SNTG1: variants seen among roughly 807,000 people sequenced by gnomAD.
The protein encoded by SNTG1 is syntrophin gamma 1.
Under a neutral mutation model 74.7 loss-of-function variants are expected in SNTG1, and 39 were observed. The observed-to-expected ratio is 0.52, with a 90% confidence interval of 0.40 to 0.68. The LOEUF is 0.68. Among genes scored for constraint, SNTG1 ranks in the 30% least tolerant of loss-of-function variants. The probability of loss-of-function intolerance (pLI) is 0.00; values close to 1 mark genes in which losing one functional copy is unlikely to be tolerated. For synonymous variants in SNTG1, 254 were observed against 217.1 expected (o/e 1.17, Z -1.49); for missense variants, 685 against 609.5 (o/e 1.12, Z -1.30).
intron 2 of SNTG1, among the ~76,000 whole-genome samples, chr8:50,313,896 G>A (rs1248049554): frequency 6.7e-6 from 1 of 149,808 alleles, no homozygotes; most frequent in Non-Finnish European, 1.5e-5. Context: ...ACTTCAGTGT[G>A]CATATCTGAA....
rs372823082 is a variant in SNTG1, at chr8:50,405,172, GA to G, written c.162+2831del. On this transcript the variant is annotated intron_variant, in intron 4 of 18. Transcript: ENST00000642720. ...TTATTTGGTGTATATACCCAGAAGT[GA>G]AATTGCTGGATAAAATAGTAATACT... is the stretch of plus-strand genomic sequence containing the variant. 3.7e-4 allele frequency among the ~76,000 whole-genome samples: 57 copies of G among 152,204 alleles called. 1 individual carries two copies. Among genetic ancestry groups the G allele is most frequent in the African/African-American group, 1.4e-3 (57 of 41,548 alleles).
chr8:50,453,897 G>A (rs2093478755), intron 8 of SNTG1, among the ~76,000 whole-genome samples: 1 of 152,148 alleles, frequency 6.6e-6, no homozygotes, highest in African/African-American at 2.4e-5. Flanking sequence ...CAATTCCAGT[G>A]AGGAGTTGAC....
intron 2 of SNTG1, among the ~76,000 whole-genome samples, chr8:50,230,536 T>G (rs1342735914): frequency 6.6e-6 from 1 of 151,406 alleles, no homozygotes; most frequent in Non-Finnish European, 1.5e-5. Flanking sequence ...GCTTTATTAC[T>G]ATTAAGGAAA....
At chr8:50,307,428 T>C (rs1335214957) in intron 2 of SNTG1, among the ~76,000 whole-genome samples, 1 of 152,022 alleles carries the variant, frequency 6.6e-6, no homozygotes, top group South Asian at 2.1e-4. Flanking sequence ...ATAATTTTAA[T>C]TCATATTTTC....
chr8:50,152,455 T>C (rs2082102967), intron 1 of SNTG1, among the ~76,000 whole-genome samples: 1 of 152,282 alleles, frequency 6.6e-6, no homozygotes, highest in East Asian at 1.9e-4. Context: ...TCATTATATG[T>C]TATCTGGTTA....
At chr8:50,573,449 T>G (rs895748166) in intron 12 of SNTG1, among the ~76,000 whole-genome samples, 1 of 151,992 alleles carries the variant, frequency 6.6e-6, no homozygotes, top group Non-Finnish European at 1.5e-5. Flanking sequence ...TTAACCACTT[T>G]AAGAGGTTAC....
intron 18 of SNTG1, among the ~76,000 whole-genome samples, chr8:50,776,257 T>C (rs1210211581): frequency 6.6e-6 from 1 of 150,794 alleles, no homozygotes; most frequent in Non-Finnish European, 1.5e-5. Flanking sequence ...TACTTCAACA[T>C]ATACTGTTCT....
rs74646303 is a variant in SNTG1, at chr8:50,330,493, C to A, written c.-27-63719C>A. ...TTTCAAACTTTCTCACATCTTCCTA[C>A]CTTCTTCTCACCCTCCAAACTGTTT... On this transcript the variant is annotated intron_variant, in intron 2 of 18. Transcript: ENST00000642720. Among the ~76,000 whole-genome samples the A allele has an allele frequency of 1.7e-3, 266 of 152,314 alleles. 1 individual carries two copies. Among genetic ancestry groups the A allele is most frequent in the African/African-American group, 6.2e-3 (257 of 41,572 alleles).
intron 1 of SNTG1, among the ~76,000 whole-genome samples, chr8:50,058,636 A>G (rs1446130964): frequency 6.6e-6 from 1 of 152,092 alleles, no homozygotes; most frequent in African/African-American, 2.4e-5. Flanking sequence ...ATTTCCCTCA[A>G]TAGTTTACAT....
chr8:50,753,209 T>C (rs1398813315), intron 18 of SNTG1, among the ~76,000 whole-genome samples: 2 of 152,010 alleles, frequency 1.3e-5, no homozygotes, highest in East Asian at 2.0e-4. Flanking sequence ...ACCGGCCCTT[T>C]CTCTACCTCT....
intron 9 of SNTG1, among the ~76,000 whole-genome samples, chr8:50,505,301 G>A (rs182747300): frequency 6.6e-6 from 1 of 152,256 alleles, no homozygotes; most frequent in Admixed American, 6.5e-5. Context: ...GAACATGAGT[G>A]TACAAATATC....
chr8:50,189,719 C>T (rs367765869), intron 2 of SNTG1, among the ~76,000 whole-genome samples: 1 of 152,106 alleles, frequency 6.6e-6, no homozygotes, highest in Non-Finnish European at 1.5e-5. Flanking sequence ...ATGGCATTTA[C>T]ACAGCAGAAC....
At chr8:50,441,266 C>T (rs190966614) in intron 5 of SNTG1, among the ~76,000 whole-genome samples, 1 of 152,166 alleles carries the variant, frequency 6.6e-6, no homozygotes, top group Non-Finnish European at 1.5e-5. Context: ...CTCTCTCAAG[C>T]CCTGTCTCCA....
At chr8:49,979,562 C>T (rs1213628467) in intron 1 of SNTG1, among the ~76,000 whole-genome samples, 2 of 152,184 alleles carry the variant, frequency 1.3e-5, no homozygotes, top group East Asian at 3.9e-4. Flanking sequence ...ACACCAACGT[C>T]CTTGGGCTCC....
At chr8:50,572,085 T>C (rs77888776) in intron 12 of SNTG1, among the ~76,000 whole-genome samples, 6,576 of 152,134 alleles carry the variant, frequency 0.043, 263 homozygotes, top group African/African-American at 0.097. Flanking sequence ...GTAATACTGA[T>C]AAACAAAAAA....
At chr8:50,666,881 A>T (rs762576487) in intron 15 of SNTG1, among the ~76,000 whole-genome samples, 6 of 152,074 alleles carry the variant, frequency 3.9e-5, no homozygotes, top group Non-Finnish European at 5.9e-5. Flanking sequence ...ATTTATTTAT[A>T]ACCCTTATAT....
At chr8:50,145,230 G>A (rs1045526347) in intron 1 of SNTG1, among the ~76,000 whole-genome samples, 1 of 152,124 alleles carries the variant, frequency 6.6e-6, no homozygotes, top group African/African-American at 2.4e-5. Flanking sequence ...ACTCTTCATC[G>A]AGTGCTAGTG....
At chr8:50,117,336 T>G (rs557351264) in intron 1 of SNTG1, among the ~76,000 whole-genome samples, 106 of 152,266 alleles carry the variant, frequency 7.0e-4, no homozygotes, top group Non-Finnish European at 4.6e-4. Context: ...ATAAACAGGC[T>G]ATGCTTGTTT....
chr8:50,395,643 AC>A (rs2092719105), intron 3 of SNTG1, among the ~76,000 whole-genome samples: 2 of 151,738 alleles, frequency 1.3e-5, no homozygotes, highest in Admixed American at 1.3e-4. Flanking sequence ...AGCTGGGACT[AC>A]AGGTGCCTGC....
Sources: gnomAD v4.1 joint callset for allele counts (sites outside exome capture counted in the v4.1 genomes callset) on GRCh38, gnomAD v4.1.1 for gene constraint, MANE v1.5 for transcripts, NCBI Gene and HGNC (gene_info 2026-07-23, HGNC 2026-07-21) for gene names.